PTPRG: variants seen among roughly 807,000 people sequenced by gnomAD.
PTPRG encodes the protein receptor-type tyrosine-protein phosphatase gamma.
PTPRG carries 102 observed loss-of-function variants against 165.3 expected under a neutral mutation model. The observed-to-expected ratio is 0.62, with a 90% CI of 0.53 to 0.73. The LOEUF (loss-of-function observed/expected upper bound fraction) is 0.73, where lower values mean the gene tolerates loss of function less well. Among genes scored for constraint, PTPRG ranks in the 30% least tolerant of loss-of-function variants. The probability of loss-of-function intolerance (pLI) is 0.00; values close to 1 mark genes in which losing one functional copy is unlikely to be tolerated. For missense variants in PTPRG, 1,866 were observed against 1,861.4 expected, an observed-to-expected ratio of 1.00 and a Z score of -0.05; for synonymous variants, 675 against 669.5, an observed-to-expected ratio of 1.01 and a Z score of -0.13.
At chr3:61,605,194 G>A (rs757311926) in intron 1 of PTPRG, among the ~76,000 whole-genome samples, 1 of 152,134 alleles carries the variant, frequency 6.6e-6, no homozygotes, top group South Asian at 2.1e-4. Flanking sequence ...CTAACGATGT[G>A]CTGAGGACTG....
At chr3:62,292,597 T>C (rs766558906) in intron 29 of PTPRG, 41 bp downstream of exon 29, 113 of 1,596,992 alleles carry the variant, frequency 7.1e-5, no homozygotes, top group Non-Finnish European at 8.7e-5. Context: ...ACTACATCAG[T>C]TGAAACTCAG....
chr3:62,160,025 G>A (rs922373227), intron 7 of PTPRG, among the ~76,000 whole-genome samples: 20 of 152,228 alleles, frequency 1.3e-4, no homozygotes, highest in African/African-American at 4.6e-4. Flanking sequence ...AGCCAATTCG[G>A]AAAAGCCAAG....
chr3:61,683,334 T>C (rs1195170876), intron 1 of PTPRG, among the ~76,000 whole-genome samples: 2 of 152,210 alleles, frequency 1.3e-5, no homozygotes, highest in African/African-American at 4.8e-5. Flanking sequence ...ATGGGTGATA[T>C]GTAAATGAGG....
chr3:62,018,363 G>A (rs556396798), intron 4 of PTPRG, among the ~76,000 whole-genome samples: 84 of 152,348 alleles, frequency 5.5e-4, no homozygotes, highest in African/African-American at 2.0e-3. Flanking sequence ...CATCTTTAAT[G>A]TGGATATGAT....
chr3:62,105,349 C>A (rs757981300), intron 5 of PTPRG, among the ~76,000 whole-genome samples: 1 of 152,046 alleles, frequency 6.6e-6, no homozygotes, highest in Non-Finnish European at 1.5e-5. Flanking sequence ...TGTTAGACTT[C>A]GACATGATTT....
intron 28 of PTPRG, among the ~76,000 whole-genome samples, chr3:62,285,380 A>G (rs1289085332): frequency 6.6e-6 from 1 of 152,096 alleles, no homozygotes; most frequent in East Asian, 1.9e-4. Flanking sequence ...CAAAAGCAGG[A>G]GTCAACAGGC....
chr3:61,864,617 T>C (rs185330333), intron 2 of PTPRG, among the ~76,000 whole-genome samples: 1 of 152,176 alleles, frequency 6.6e-6, no homozygotes, highest in East Asian at 1.9e-4. Context: ...TTGTTTCAGC[T>C]CTTAATTTTT....
chr3:61,954,663 T>C (rs2107631039), intron 2 of PTPRG, among the ~76,000 whole-genome samples: 1 of 152,288 alleles, frequency 6.6e-6, no homozygotes, highest in Non-Finnish European at 1.5e-5. Flanking sequence ...TGAAGATTTG[T>C]CAGACACTGA....
rs563632840 is a variant in PTPRG, at chr3:62,138,714, CAAAA to C, written c.682+6065_682+6068del. On this transcript the variant is annotated intron_variant, in intron 6 of 29. Transcript: ENST00000474889. ...AGCCTCAGTGACAAGGGCAAAGCTC[CAAAA>C]AAAAAAAAAAAAAAAAAAGAAAGAC... Among the ~76,000 whole-genome samples, 64 of 91,386 alleles carry C rather than the reference CAAAA, an allele frequency of 7.0e-4. 1 individual carries two copies. In the South Asian group the frequency reaches 0.026, roughly 37 times the overall value. 60.0% of individuals were successfully genotyped at this position (91,386 alleles called of 152,430 possible).
At chr3:62,165,183 A>C (rs1704921945) in intron 7 of PTPRG, among the ~76,000 whole-genome samples, 1 of 152,206 alleles carries the variant, frequency 6.6e-6, no homozygotes, top group Non-Finnish European at 1.5e-5. Flanking sequence ...TCCTCAGGCT[A>C]ACCAATTCCA....
rs1369295758 is a variant in PTPRG at position 61,989,634 on chromosome 3, G to C, written c.200G>C (p.Gly67Ala). Residue 67 changes from glycine to alanine, a missense_variant, in exon 3 of 30, where the codon GGT (glycine) becomes GCT (alanine). Gly to Ala is a moderately conservative substitution (Grantham distance 60, BLOSUM62 0). Around this residue, in one of 3 missense-constraint regions of PTPRG, gnomAD observed 408 missense variants for 376.2 expected, o/e 1.08. Transcript: ENST00000474889. ...TGTCTTCTTTCAACAGGTGCCTATG[G>C]TCCTGAGCACTGGGTCACGTCTAGT... ...DPYWAYSGAYGPEHWVTSSVS... is the reference protein window; with the variant it reads ...DPYWAYSGAYAPEHWVTSSVS... The C allele has an allele frequency of 6.2e-7, 1 of 1,613,858 alleles. No homozygotes were observed.
chr3:61,934,872 T>C (rs1256197697), intron 2 of PTPRG, among the ~76,000 whole-genome samples: 1 of 152,204 alleles, frequency 6.6e-6, no homozygotes, highest in Non-Finnish European at 1.5e-5. Context: ...TCCTGTTGTG[T>C]ATCATGCCCC....
chr3:62,290,984 G>T (rs974510433), intron 28 of PTPRG, among the ~76,000 whole-genome samples: 6 of 151,872 alleles, frequency 4.0e-5, no homozygotes, highest in African/African-American at 1.5e-4. Flanking sequence ...AGATCGGGGG[G>T]CAAAAAAACT....
chr3:61,787,648 AT>A (rs1230993245), intron 2 of PTPRG, among the ~76,000 whole-genome samples: 1 of 152,212 alleles, frequency 6.6e-6, no homozygotes, highest in Non-Finnish European at 1.5e-5. Flanking sequence ...CTTAATGTTC[AT>A]TCCTTATTGG....
intron 8 of PTPRG, among the ~76,000 whole-genome samples, chr3:62,185,418 AC>A (rs1344007101): frequency 6.6e-6 from 1 of 152,202 alleles, no homozygotes; most frequent in Non-Finnish European, 1.5e-5. Flanking sequence ...GTTTACAAGG[AC>A]CATTGAGAAG....
intron 2 of PTPRG, among the ~76,000 whole-genome samples, chr3:61,865,388 T>C (rs1194426512): frequency 6.6e-6 from 1 of 152,190 alleles, no homozygotes; most frequent in Non-Finnish European, 1.5e-5. Flanking sequence ...TTGTTATTTT[T>C]TACTTGTTCT....
Position 61,580,325 on chromosome 3 carries a change from C to T in PTPRG, c.85+17953C>T, listed in dbSNP as rs369433596. Among the ~76,000 whole-genome samples, 10 of 151,346 alleles carry T rather than the reference C, an allele frequency of 6.6e-5. No individual in the cohort carries two copies. The East Asian group carries it at 9.7e-4, about 15-fold the overall frequency. ...CAACAGTTATACTCAGATTTTCGAC[C>T]GTGCAGGAGTCAATACCCTTAACCC... On this transcript the variant is annotated intron_variant, in intron 1 of 29. Coordinates refer to ENST00000474889, the MANE Select transcript of PTPRG (RefSeq NM_002841.4).
At chr3:62,059,553 G>A (rs1700737022) in intron 4 of PTPRG, among the ~76,000 whole-genome samples, 1 of 152,206 alleles carries the variant, frequency 6.6e-6, no homozygotes, top group Admixed American at 6.5e-5. Context: ...AAAGTCAGGA[G>A]TTGGCTGGGC....
intron 2 of PTPRG, among the ~76,000 whole-genome samples, chr3:61,913,254 C>T (rs2038847685): frequency 6.6e-6 from 1 of 152,220 alleles, no homozygotes; most frequent in Non-Finnish European, 1.5e-5. Flanking sequence ...GAGTCTCGCT[C>T]TATCACCCAG....
Sources: allele counts gnomAD v4.1 joint callset (sites outside exome capture counted in the v4.1 genomes callset), GRCh38; gene constraint gnomAD v4.1.1; regional missense constraint gnomAD v4.1.1; transcripts MANE v1.5; gene names NCBI Gene and HGNC (gene_info 2026-07-23, HGNC 2026-07-21).